NLRP5: variants seen among roughly 807,000 people sequenced by gnomAD.
NLRP5 encodes the protein NLR family pyrin domain containing 5, also known as NACHT, LRR and PYD domains-containing protein 5.
Under a neutral mutation model 113.1 loss-of-function variants are expected in NLRP5, and 93 were observed. That is an observed-to-expected ratio of 0.82 (90% CI 0.70 to 0.98). The LOEUF (loss-of-function observed/expected upper bound fraction) is 0.98. NLRP5 is among the 50% of genes least tolerant of loss of function. The pLI is 0.00. For synonymous variants in NLRP5, 751 were observed against 600.7 expected (o/e 1.25, Z -3.66); for missense variants, 1,808 against 1,514.3 (o/e 1.19, Z -3.22).
rs1301740994 is a variant in NLRP5 at position 56,061,647 on chromosome 19, C to G, written c.*119C>G. 2.1e-5 allele frequency: 24 copies of G among 1,142,244 alleles called. No homozygotes were observed. Among genetic ancestry groups the G allele is most frequent in the Middle Eastern group, 2.0e-4 (1 of 4,934 alleles). The allele number at this position is 1,142,244 out of a possible 1,614,324, so 70.8% of individuals were successfully genotyped here. A position where few individuals can be genotyped will look rare whatever the true frequency, so the allele number is the denominator to read the frequency against. On this transcript the variant is annotated 3_prime_UTR_variant, in exon 15 of 15. Coordinates refer to ENST00000390649, the MANE Select transcript of NLRP5 (RefSeq NM_153447.4). ...CAAAGATGGAGAATGATTTCTGATTCTCACAAAGCCCTCAATGGTAGTGAT... is the reference window on the plus strand; with the variant it reads ...CAAAGATGGAGAATGATTTCTGATTGTCACAAAGCCCTCAATGGTAGTGAT...
At chr19:56,012,351 T>C (rs1982227535) in intron 3 of NLRP5, among the ~76,000 whole-genome samples, 1 of 151,986 alleles carries the variant, frequency 6.6e-6, no homozygotes, top group Non-Finnish European at 1.5e-5. Context: ...GGTTTCACCA[T>C]GTTGGCCAGG....
At chr19:56,058,522 AT>A in intron 14 of NLRP5, 112 bp downstream of exon 14, 3 of 883,748 alleles carry the variant, frequency 3.4e-6, no homozygotes, top group Non-Finnish European at 5.2e-6. Context: ...TGGGAGCCAC[AT>A]TTTACTCCAT....
Position 56,005,577 on chromosome 19 carries a change from ACACACG to A in NLRP5, c.442+1488_442+1493del, listed in dbSNP as rs1376860813. On this transcript the variant is annotated intron_variant, in intron 2 of 14. Transcript: ENST00000390649. ...CCTGTACACACATATATATTTATAC[ACACACG>A]CACACACGCAGGTGGCATGCCTGTA... Among the ~76,000 whole-genome samples the A allele has an allele frequency of 3.1e-3, 456 of 146,830 alleles. 5 individuals are homozygous for A. Among genetic ancestry groups the A allele is most frequent in the African/African-American group, 0.011 (431 of 39,884 alleles).
At chr19:56,025,394 C>G (rs1394372960) in intron 6 of NLRP5, among the ~76,000 whole-genome samples, 2 of 151,652 alleles carry the variant, frequency 1.3e-5, no homozygotes, top group East Asian at 1.9e-4. Context: ...CGTTCTCTCT[C>G]TCTCTCTCTC....
chr19:56,024,432 C>A (rs1389468239), intron 6 of NLRP5, among the ~76,000 whole-genome samples: 1 of 140,970 alleles, frequency 7.1e-6, no homozygotes, highest in African/African-American at 2.7e-5. Flanking sequence ...TATATATACA[C>A]ATATACATAT....
the NLRP5 span, among the ~76,000 whole-genome samples, chr19:55,992,014 C>T: frequency 6.6e-6 from 1 of 152,008 alleles, no homozygotes; most frequent in African/African-American, 2.4e-5. Flanking sequence ...TGCTTCTCAC[C>T]CTCCTCCCAC....
intron 2 of NLRP5, among the ~76,000 whole-genome samples, chr19:56,007,913 G>GCACAGAAA (rs1568483126): frequency 3.6e-5 from 1 of 27,416 alleles, no homozygotes; most frequent in African/African-American, 7.6e-5. Flanking sequence ...GCGTGTGTGT[G>GCACAGAAA]TGTGTGTGTG....
At position 56,027,073 on chromosome 19, in the gene NLRP5, C is replaced by T. The variant is rs1350694209; in HGVS notation, c.840C>T (p.Arg280=). 6.4e-7 allele frequency: 1 copy of T among 1,559,096 alleles called. No homozygotes were observed. The highest frequency in any genetic ancestry group is 2.4e-5 in the East Asian group (1 of 41,460). The change falls in exon 7 of 15, where the codon CGC becomes CGT. Residue 280 remains arginine (R), a synonymous_variant. Transcript: ENST00000390649. ...CAGACCGGTGGGGCTTCCGGCCTCG[C>T]ACGGTGGTTCTGCACGGAAAGTCAG...
At chr19:56,019,640 C>G (rs1322119343) in intron 5 of NLRP5, among the ~76,000 whole-genome samples, 1 of 152,064 alleles carries the variant, frequency 6.6e-6, no homozygotes, top group Non-Finnish European at 1.5e-5. Context: ...ACCCATAATT[C>G]TAGGGGACTC....
chr19:56,005,640 A>ACGCGTG (rs530215925), intron 2 of NLRP5, among the ~76,000 whole-genome samples: 1 of 141,896 alleles, frequency 7.0e-6, no homozygotes, highest in Non-Finnish European at 1.5e-5. Flanking sequence ...ACACACACAC[A>ACGCGTG]CACGCGCGCA....
chr19:56,059,594 G>A (rs1341062422), intron 14 of NLRP5, among the ~76,000 whole-genome samples: 1 of 152,196 alleles, frequency 6.6e-6, no homozygotes, highest in Non-Finnish European at 1.5e-5. Context: ...GAGTGCAGGG[G>A]TGCAATCTTA....
intron 13 of NLRP5, among the ~76,000 whole-genome samples, chr19:56,058,030 A>C (rs1984219867): frequency 1.4e-5 from 2 of 142,008 alleles, no homozygotes; most frequent in African/African-American, 5.6e-5. Flanking sequence ...TGCTATCTCA[A>C]AAAAAAAAAA....
At chr19:55,987,711 G>A in the NLRP5 span, 1 of 790,666 alleles carries the variant, frequency 1.3e-6, no homozygotes, top group Admixed American at 1.9e-5. Context: ...GGTGGGAGGG[G>A]TACGGTCTGT....
At chr19:56,004,311 C>T (rs546594607) in intron 2 of NLRP5, among the ~76,000 whole-genome samples, 6 of 152,216 alleles carry the variant, frequency 3.9e-5, no homozygotes, top group East Asian at 3.9e-4. Context: ...TAGACAACGG[C>T]TCCACCCACA....
intron 3 of NLRP5, among the ~76,000 whole-genome samples, chr19:56,010,380 C>T (rs922368992): frequency 2.0e-5 from 3 of 152,092 alleles, no homozygotes; most frequent in Non-Finnish European, 4.4e-5. Context: ...AGACACTCTA[C>T]CCTCAAGGAG....
intron 6 of NLRP5, 47 bp from the exon 7 acceptor site, chr19:56,026,866 G>A (rs374663830): frequency 1.4e-4 from 217 of 1,521,824 alleles, no homozygotes; most frequent in Non-Finnish European, 1.8e-4. Flanking sequence ...GCGAGCCACT[G>A]TGCCTGGTCT....
chr19:56,029,620 T>C (rs1983014635), intron 7 of NLRP5, among the ~76,000 whole-genome samples: 1 of 152,182 alleles, frequency 6.6e-6, no homozygotes, highest in African/African-American at 2.4e-5. Context: ...AGTGCAGGTC[T>C]AGAAAACACA....
chr19:56,015,091 G>A (rs1314658801), intron 3 of NLRP5, among the ~76,000 whole-genome samples: 8 of 152,104 alleles, frequency 5.3e-5, no homozygotes, highest in Non-Finnish European at 1.0e-4. Flanking sequence ...TTTTGGTTAC[G>A]TTTGTGGCTT....
chr19:56,050,553 C>G lies in NLRP5; in HGVS notation c.3093C>G (p.Val1031=). The G allele has an allele frequency of 6.2e-7, 1 of 1,613,930 alleles. No homozygotes were observed. The highest frequency in any genetic ancestry group is 1.7e-5 in the Admixed American group (1 of 60,014). ...ATGGCGTGAAGCTTCTGTGCGAGGT[C>G]ATGAGAGAACCATCTTGTCATCTCC... Residue 1031 remains valine (V), a synonymous_variant, in exon 12 of 15, where the codon GTC becomes GTG. Transcript: ENST00000390649.
Sources: gnomAD v4.1 joint callset for allele counts (sites outside exome capture counted in the v4.1 genomes callset) on GRCh38, gnomAD v4.1.1 for gene constraint, MANE v1.5 for transcripts, NCBI Gene and HGNC (gene_info 2026-07-23, HGNC 2026-07-21) for gene names.